Variants in C6orf118 observed in about 807,000 individuals in gnomAD.
C6orf118 encodes uncharacterized protein C6orf118.
A neutral mutation model predicts 50.2 loss-of-function variants in C6orf118; 50 were observed. The observed-to-expected ratio is 1.00, with a 90% CI of 0.79 to 1.26. The LOEUF is 1.26. Ranked by LOEUF, C6orf118 falls within the 50% of genes most tolerant of loss-of-function variation. The probability of loss-of-function intolerance (pLI) is 0.00; values close to 1 mark genes in which losing one functional copy is unlikely to be tolerated. For missense variants in C6orf118, 641 were observed against 578.7 expected (o/e 1.11, Z -1.10); for synonymous variants, 239 against 230.9 (o/e 1.03, Z -0.32).
chr6:165,308,480 G>T (rs1319922678), intron 1 of C6orf118, among the ~76,000 whole-genome samples: 2 of 152,102 alleles, frequency 1.3e-5, no homozygotes, highest in Non-Finnish European at 2.9e-5. Flanking sequence ...CCCACCACAA[G>T]CGACAGGGTC....
intron 5 of C6orf118, 76 bp downstream of exon 5, chr6:165,297,901 T>A: frequency 6.3e-7 from 1 of 1,593,542 alleles, no homozygotes; most frequent in South Asian, 1.1e-5. Context: ...AATGTAACCG[T>A]AGGCTTGTCA....
At chr6:165,299,359 G>T in intron 4 of C6orf118, 84 bp downstream of exon 4, 1 of 1,252,448 alleles carries the variant, frequency 8.0e-7, no homozygotes, top group South Asian at 1.2e-5. Flanking sequence ...GGGCTTCTTG[G>T]ATTCAGAAAG....
At chr6:165,297,600 G>T (rs770370033) in intron 5 of C6orf118, among the ~76,000 whole-genome samples, 1 of 151,360 alleles carries the variant, frequency 6.6e-6, no homozygotes, top group South Asian at 2.1e-4. Context: ...ATTGTTATTC[G>T]ACCCCGGAAA....
rs143473388 is a variant in C6orf118 at position 165,301,462 on chromosome 6, G to A, written c.753+107C>T. ...ACTGCCCCAAGAGCTATGCCCCGGA[G>A]CTCTGCCCCGAGAGGTTTGCCCCAG... is the stretch of plus-strand genomic sequence containing the variant. On this transcript the variant is annotated intron_variant, in intron 2 of 8. Transcript: ENST00000230301. 1.5e-3 allele frequency: 2,194 copies of A among 1,438,104 alleles called. 20 individuals are homozygous for A. The African/African-American group carries it at 0.027, about 18-fold the overall frequency. 89.1% of individuals were successfully genotyped at this position (1,438,104 alleles called of 1,614,324 possible). A position where few individuals can be genotyped will look rare whatever the true frequency, so the allele number is the denominator to read the frequency against.
At chr6:165,309,526 C>G in intron 1 of C6orf118, 36 bp downstream of exon 1, 1 of 1,613,722 alleles carries the variant, frequency 6.2e-7, no homozygotes, top group Non-Finnish European at 8.5e-7. Flanking sequence ...TCAAGCAAAT[C>G]TCACAAGCCA....
rs1779667564 is a variant in C6orf118, at chr6:165,279,779, A to C, written c.*278T>G. ...AATTCCTTATTCTTAGCAAATAATCAAAAGTATTTTCCAAAGTTGAACATT... is the reference window on the plus strand; with the variant it reads ...AATTCCTTATTCTTAGCAAATAATCCAAAGTATTTTCCAAAGTTGAACATT... On this transcript the variant is annotated 3_prime_UTR_variant, in exon 9 of 9. Coordinates refer to ENST00000230301, the MANE Select transcript of C6orf118 (RefSeq NM_144980.4). 6.3e-6 allele frequency: 2 copies of C among 319,730 alleles called. No homozygotes were observed. Among genetic ancestry groups the C allele is most frequent in the Non-Finnish European group, 1.1e-5 (2 of 177,992 alleles). 19.8% of individuals were successfully genotyped at this position (319,730 alleles called of 1,614,324 possible). A position where few individuals can be genotyped will look rare whatever the true frequency, so the allele number is the denominator to read the frequency against.
intron 7 of C6orf118, among the ~76,000 whole-genome samples, chr6:165,284,201 A>C (rs1043716982): frequency 1.3e-5 from 2 of 152,206 alleles, no homozygotes; most frequent in African/African-American, 4.8e-5. Flanking sequence ...TCAATAGCCA[A>C]ATAGACCAAG....
intron 5 of C6orf118, among the ~76,000 whole-genome samples, chr6:165,293,982 C>T (rs1226535951): frequency 1.3e-5 from 2 of 152,082 alleles, no homozygotes; most frequent in African/African-American, 2.4e-5. Flanking sequence ...CATGGTGGCT[C>T]ATGCCTGTAA....
chr6:165,294,269 A>G (rs1464888449), intron 5 of C6orf118, among the ~76,000 whole-genome samples: 1 of 138,782 alleles, frequency 7.2e-6, no homozygotes, highest in Admixed American at 7.3e-5. Flanking sequence ...AAAAAAAAAC[A>G]AAAAAAAAAA....
At position 165,301,878 on chromosome 6, in the gene C6orf118, T is replaced by C. The variant is rs774683882; in HGVS notation, c.444A>G (p.Pro148=). ...LSHTSEEDFL[P]VEAVREGKEE... is the part of the protein sequence containing the mutation. Reference sequence around the variant, plus strand: ...CCTTCCCCTCTCTGACAGCCTCCACTGGAAGGAAATCCTCCTCTGAAGTGT... The same window carrying C: ...CCTTCCCCTCTCTGACAGCCTCCACCGGAAGGAAATCCTCCTCTGAAGTGT... The change falls in exon 2 of 9, where the codon CCA becomes CCG. Residue 148 remains proline (P), a synonymous_variant. Coordinates refer to ENST00000230301, the MANE Select transcript of C6orf118 (RefSeq NM_144980.4). 10 of 1,613,672 alleles carry C rather than the reference T, an allele frequency of 6.2e-6. No individual in the cohort carries two copies. The highest frequency in any genetic ancestry group is 8.5e-6 in the Non-Finnish European group (10 of 1,179,998).
In C6orf118 at chr6:165,299,447, T is replaced by A. The variant is rs762667356; in HGVS notation, c.932A>T (p.Tyr311Phe). 3 of 1,614,026 alleles carry A rather than the reference T, an allele frequency of 1.9e-6. 1 individual carries two copies. The South Asian group carries it at 3.3e-5, about 18-fold the overall frequency. ...TLLESQPAAQ[Y>F]EALLAQLKAL... is the part of the protein sequence containing the mutation. ...CTCTTTGTGATCGATCGTCACCTCG[T>A]ACTGTGCTGCAGGCTGGGACTCCAG... The change falls in exon 4 of 9, where the codon TAC (tyrosine) becomes TTC (phenylalanine). Residue 311 changes from tyrosine (Y) to phenylalanine (F), a missense_variant. Physicochemically the swap from Tyr to Phe is conservative, Grantham distance 22. Coordinates refer to ENST00000230301, the MANE Select transcript of C6orf118 (RefSeq NM_144980.4).
chr6:165,302,368 T>A, intron 1 of C6orf118, 72 bp from the exon 2 acceptor site: 1 of 1,539,874 alleles, frequency 6.5e-7, no homozygotes, highest in Non-Finnish European at 8.7e-7. Context: ...GTGCACTGGC[T>A]GAGAGGCGTA....
chr6:165,285,250 A>C (rs2128157229), intron 7 of C6orf118, among the ~76,000 whole-genome samples: 1 of 152,366 alleles, frequency 6.6e-6, no homozygotes, highest in Non-Finnish European at 1.5e-5. Context: ...GGTTCAATTG[A>C]ACAAGAAGAA....
At chr6:165,281,185 AAAAT>A (rs1335110048) in intron 8 of C6orf118, among the ~76,000 whole-genome samples, 3 of 152,230 alleles carry the variant, frequency 2.0e-5, no homozygotes, top group African/African-American at 7.2e-5. Flanking sequence ...ATAATTGGAG[AAAAT>A]AAAGCCATGC....
chr6:165,289,875 A>C lies in C6orf118; in HGVS notation c.1302+11T>G. ...GAATAATGTAAATATTTAAATAAAT[A>C]AGTTGCGTACCTCTATGCTTTTAAT... On this transcript the variant is annotated intron_variant, in intron 7 of 8. Transcript: ENST00000230301. 1 of 1,530,276 alleles carries C rather than the reference A, an allele frequency of 6.5e-7. No homozygotes were observed. 94.8% of individuals were successfully genotyped at this position (1,530,276 alleles called of 1,614,324 possible).
At chr6:165,309,239 C>A (rs1780852841) in intron 1 of C6orf118, among the ~76,000 whole-genome samples, 1 of 152,196 alleles carries the variant, frequency 6.6e-6, no homozygotes, top group Non-Finnish European at 1.5e-5. Context: ...CAACCTGCCG[C>A]TTCGTCCCTC....
At chr6:165,301,440 G>T in intron 2 of C6orf118, 129 bp downstream of exon 2, 1 of 1,289,336 alleles carries the variant, frequency 7.8e-7, no homozygotes, top group Non-Finnish European at 1.1e-6. Context: ...CGAGAACACT[G>T]CCCCAAGAGC....
chr6:165,295,649 GT>G (rs60422352), intron 5 of C6orf118, among the ~76,000 whole-genome samples: 110 of 106,992 alleles, frequency 1.0e-3, no homozygotes, highest in East Asian at 3.9e-3. Flanking sequence ...TTGATTTATT[GT>G]TTTTTTTTTT....
rs56325343 is a variant in C6orf118 at position 165,299,438 on chromosome 6, G to A, written c.936+5C>T. 126,380 of 1,612,396 alleles carry A rather than the reference G, an allele frequency of 0.078. 5,455 individuals carry two copies. The highest frequency in any genetic ancestry group is 0.14 in the Middle Eastern group (823 of 6,054). The stretch of plus-strand genomic sequence containing the variant: ...CTATTCAGGCTCTTTGTGATCGATC[G>A]TCACCTCGTACTGTGCTGCAGGCTG... On this transcript the variant is annotated splice_donor_5th_base_variant and intron_variant, in intron 4 of 8. Coordinates refer to ENST00000230301, the MANE Select transcript of C6orf118 (RefSeq NM_144980.4).
Sources: allele counts gnomAD v4.1 joint callset (sites outside exome capture counted in the v4.1 genomes callset), GRCh38; gene constraint gnomAD v4.1.1; transcripts MANE v1.5; gene names NCBI Gene and HGNC (gene_info 2026-07-23, HGNC 2026-07-21).